Variants in ACTN1 observed in about 807,000 individuals in gnomAD.
ACTN1 encodes the protein actinin alpha 1.
Under a neutral mutation model 119.6 loss-of-function variants are expected in ACTN1, and 30 were observed. The observed-to-expected ratio is 0.25, with a 90% CI of 0.19 to 0.34. The LOEUF is 0.34. Ranked by LOEUF, ACTN1 falls within the 10% of genes least tolerant of loss-of-function variation. The probability of loss-of-function intolerance (pLI) is 1.00; values close to 1 mark genes in which losing one functional copy is unlikely to be tolerated. For synonymous variants in ACTN1, 429 were observed against 472.6 expected (o/e 0.91, Z 1.20); for missense variants, 764 against 1,223.4 (o/e 0.62, Z 5.60).
chr14:68,932,254 G>C (rs992619862), intron 1 of ACTN1, among the ~76,000 whole-genome samples: 2 of 151,540 alleles, frequency 1.3e-5, no homozygotes, highest in Non-Finnish European at 2.9e-5. Flanking sequence ...GCAGAAGAAC[G>C]TGAAAAGACT....
chr14:68,974,944 A>C (rs2037011677), intron 1 of ACTN1, among the ~76,000 whole-genome samples: 1 of 152,206 alleles, frequency 6.6e-6, no homozygotes, highest in South Asian at 2.1e-4. Flanking sequence ...CTTGTGTGAC[A>C]AGTCTTTGAG....
intron 8 of ACTN1, among the ~76,000 whole-genome samples, chr14:68,897,806 C>T (rs576480979): frequency 4.6e-5 from 7 of 152,386 alleles, no homozygotes; most frequent in African/African-American, 1.7e-4. Context: ...AGCTTCCTCA[C>T]GGTGAGTGGG....
Position 68,902,515 on chromosome 14 carries a change from C to T in ACTN1, c.724G>A (p.Val242Met), listed in dbSNP as rs750316190. The stretch of plus-strand genomic sequence containing the variant: ...GAGAAGGCGTGGTAGAAGCTAGACA[C>T]GTAAGTCATGATGGCTTTCTCATCC... ...RPDEKAIMTYVSSFYHAFSGA... is the reference protein window; with the variant it reads ...RPDEKAIMTYMSSFYHAFSGA... Residue 242 changes from valine (V) to methionine (M), a missense_variant, in exon 8 of 22, where the codon GTG becomes ATG. Physicochemically the swap from Val to Met is conservative, Grantham distance 21. Around this residue, in one of 4 missense-constraint regions of ACTN1, gnomAD observed 544 missense variants for 912.0 expected, o/e 0.60. Coordinates refer to ENST00000394419, the MANE Select transcript of ACTN1 (RefSeq NM_001130004.2). 22 of 1,613,838 alleles carry T rather than the reference C, an allele frequency of 1.4e-5. No homozygotes were observed. The highest frequency in any genetic ancestry group is 1.7e-5 in the Non-Finnish European group (20 of 1,179,898).
At position 68,885,811 on chromosome 14, in the gene ACTN1, C is replaced by T. The variant is rs1301769209; in HGVS notation, c.1235-236G>A. 1.5e-5 allele frequency: 8 copies of T among 532,888 alleles called. No homozygotes were observed. The highest frequency in any genetic ancestry group is 5.0e-4 in the Middle Eastern group (1 of 1,984). The allele number at this position is 532,888 out of a possible 1,614,324, so 33.0% of individuals were successfully genotyped here. A position where few individuals can be genotyped will look rare whatever the true frequency, so the allele number is the denominator to read the frequency against. ...ACTTCCAAGGCCATGAAAGTGTCTA[C>T]GCAGGAAGGCTATGCAGGAGTCTGT... On this transcript the variant is annotated intron_variant, in intron 11 of 21. Transcript: ENST00000394419. This position sits in a 1 kb window ranked among gnomAD's most constrained non-coding sequence, Gnocchi z 5.6.
intron 4 of ACTN1, 124 bp from the exon 5 acceptor site, chr14:68,910,166 C>A: frequency 1.4e-6 from 1 of 689,682 alleles, no homozygotes; most frequent in Non-Finnish European, 2.4e-6. Context: ...AGGAGGAGCC[C>A]TGGCCATCAA....
chr14:68,874,594 T>C lies in ACTN1; in HGVS notation c.*265A>G. 3.0e-6 allele frequency: 1 copy of C among 331,084 alleles called. No homozygotes were observed. The highest frequency in any genetic ancestry group is 4.8e-5 in the East Asian group (1 of 21,020). 20.5% of individuals were successfully genotyped at this position (331,084 alleles called of 1,614,324 possible). A position where few individuals can be genotyped will look rare whatever the true frequency, so the allele number is the denominator to read the frequency against. On this transcript the variant is annotated 3_prime_UTR_variant, in exon 22 of 22. Transcript: ENST00000394419. The stretch of plus-strand genomic sequence containing the variant: ...GCAAATAGTTAATCTTTCCTCTTTT[T>C]TTCCATTTGTCTGGTGGAGAAAAAA...
intron 4 of ACTN1, among the ~76,000 whole-genome samples, chr14:68,910,514 A>G (rs2033941750): frequency 6.6e-6 from 1 of 152,226 alleles, no homozygotes; most frequent in South Asian, 2.1e-4. Flanking sequence ...AATCTAAAAA[A>G]TAAGGTTTCC....
chr14:68,929,124 G>A (rs1263937271), intron 1 of ACTN1, among the ~76,000 whole-genome samples: 2 of 152,170 alleles, frequency 1.3e-5, no homozygotes, highest in East Asian at 1.9e-4. Flanking sequence ...GAACAGTGGC[G>A]TGGGTGCAGA....
intron 1 of ACTN1, among the ~76,000 whole-genome samples, chr14:68,963,476 C>T (rs1331974450): frequency 7.2e-5 from 11 of 152,220 alleles, no homozygotes; most frequent in Admixed American, 7.2e-4. Context: ...AGATGATCCA[C>T]AGTAAACATG....
At position 68,913,498 on chromosome 14, in the gene ACTN1, C is replaced by T. The variant is rs80105808; in HGVS notation, c.341-1256G>A. On this transcript the variant is annotated intron_variant, in intron 3 of 21. Transcript: ENST00000394419. The stretch of plus-strand genomic sequence containing the variant: ...TTCTGACCCTACTAGGATTTGCATC[C>T]CACAAACCCCTGAAACAAGAGTGGA... Among the ~76,000 whole-genome samples the T allele has an allele frequency of 2.8e-3, 420 of 152,244 alleles. 5 individuals carry two copies. Among genetic ancestry groups the T allele is most frequent in the African/African-American group, 9.7e-3 (403 of 41,534 alleles).
chr14:68,942,195 G>T (rs2035781792), intron 1 of ACTN1, among the ~76,000 whole-genome samples: 1 of 146,276 alleles, frequency 6.8e-6, no homozygotes, highest in Non-Finnish European at 1.5e-5. Flanking sequence ...TACGCAACAG[G>T]CAAAAAACTC....
chr14:68,935,558 G>A (rs1362071629), intron 1 of ACTN1, among the ~76,000 whole-genome samples: 1 of 151,800 alleles, frequency 6.6e-6, no homozygotes, highest in East Asian at 1.9e-4. Context: ...GCTAAGTTTT[G>A]TATTTTTAGT....
intron 4 of ACTN1, among the ~76,000 whole-genome samples, chr14:68,910,861 C>T (rs1159823741): frequency 1.3e-5 from 2 of 152,196 alleles, no homozygotes; most frequent in East Asian, 3.9e-4. Flanking sequence ...GGCTCTCATT[C>T]TCTGCCTGCT....
intron 3 of ACTN1, 43 bp from the exon 4 acceptor site, chr14:68,912,285 G>A (rs1240071382): frequency 6.5e-7 from 1 of 1,539,324 alleles, no homozygotes; most frequent in Admixed American, 1.7e-5. Context: ...GGCCTCAGCG[G>A]GGACAGAATT....
chr14:68,883,307 G>A (rs1439148516), intron 14 of ACTN1: 1 of 460,196 alleles, frequency 2.2e-6, no homozygotes, highest in Non-Finnish European at 3.9e-6. Flanking sequence ...CCACCTCACA[G>A]GTCAGGGAGA....
At chr14:68,883,229 A>T (rs2031719777) in intron 14 of ACTN1, 174 bp from the exon 15 acceptor site, 3 of 661,664 alleles carry the variant, frequency 4.5e-6, no homozygotes, top group Admixed American at 2.9e-5. Context: ...GTGAAGCCAC[A>T]GTCATCAAAA....
chr14:68,896,939 T>C (rs1466691039), intron 8 of ACTN1, among the ~76,000 whole-genome samples: 2 of 152,128 alleles, frequency 1.3e-5, no homozygotes, highest in Non-Finnish European at 2.9e-5. Context: ...CTACTAGAAA[T>C]CTGTGTTTCC....
Position 68,877,105 on chromosome 14 carries a change from AG to A in ACTN1, c.2562del (p.Phe855SerfsTer112). The A allele has an allele frequency of 6.2e-7, 1 of 1,614,158 alleles. No individual in the cohort carries two copies. The highest frequency in any genetic ancestry group is 8.5e-7 in the Non-Finnish European group (1 of 1,180,018). On this transcript the variant is annotated frameshift_variant, in exon 21 of 22. Transcript: ENST00000394419. LOFTEE classifies it high-confidence loss of function. ...ACCTTGTCCCCAGCCAGGATCTTGA[AG>A]GAAGCCATGACTTGGTCTGCTGTAT... ...DTDTADQVMA[S>X]FKILAGDKNY...
intron 1 of ACTN1, among the ~76,000 whole-genome samples, chr14:68,945,539 G>A (rs1318154916): frequency 6.6e-6 from 1 of 152,208 alleles, no homozygotes; most frequent in African/African-American, 2.4e-5. Context: ...GATCAGAGAT[G>A]GAAAAGAGTG....
Sources: gnomAD v4.1 joint callset for allele counts (sites outside exome capture counted in the v4.1 genomes callset) on GRCh38, gnomAD v4.1.1 for gene constraint, gnomAD v4.1.1 regional missense constraint, Gnocchi (gnomAD v3.1) non-coding constraint, MANE v1.5 for transcripts, NCBI Gene and HGNC (gene_info 2026-07-23, HGNC 2026-07-21) for gene names.